The following SGCD variants were observed in gnomAD, a reference collection of about 807,000 sequenced individuals.
SGCD encodes sarcoglycan delta, also known as delta-sarcoglycan.
A neutral mutation model predicts 36.6 loss-of-function variants in SGCD; 18 were observed. The ratio of observed to expected loss-of-function variants is 0.49; its 90% CI spans 0.34 to 0.73. SGCD has a LOEUF of 0.73. Ranked by LOEUF, SGCD falls within the 30% of genes least tolerant of loss-of-function variation. SGCD has a pLI of 0.01. For missense variants in SGCD, 387 were observed against 346.7 expected, an observed-to-expected ratio of 1.12 and a Z score of -0.92; for synonymous variants, 133 against 130.6, an observed-to-expected ratio of 1.02 and a Z score of -0.12.
chr5:156,069,998 C>G (rs182141156), intron 1 of SGCD, among the ~76,000 whole-genome samples: 5 of 151,804 alleles, frequency 3.3e-5, no homozygotes, highest in Non-Finnish European at 7.4e-5. Context: ...GAGAGTTTAC[C>G]AAAGTTGCTT....
intron 6 of SGCD, among the ~76,000 whole-genome samples, chr5:156,623,415 C>T (rs1321541493): frequency 6.6e-6 from 1 of 152,146 alleles, no homozygotes; most frequent in African/African-American, 2.4e-5. Context: ...TAATTCAAAA[C>T]GAGATTTCAG....
At chr5:156,250,892 A>T (rs184463701) in intron 3 of SGCD, among the ~76,000 whole-genome samples, 5 of 152,192 alleles carry the variant, frequency 3.3e-5, no homozygotes, top group African/African-American at 1.2e-4. Flanking sequence ...GAGATAACCA[A>T]GTATCTTGTT....
chr5:156,553,834 A>C (rs1324227173), intron 4 of SGCD, among the ~76,000 whole-genome samples: 1 of 152,186 alleles, frequency 6.6e-6, no homozygotes, highest in Non-Finnish European at 1.5e-5. Context: ...TGGGTACACC[A>C]CATCTTGTCT....
chr5:155,766,693 T>C, the SGCD span, among the ~76,000 whole-genome samples: 7 of 152,154 alleles, frequency 4.6e-5, no homozygotes, highest in Admixed American at 4.6e-4. Context: ...AAGATGGCAA[T>C]TGAAGCATTG....
At chr5:156,494,878 G>A (rs1216963607) in intron 3 of SGCD, among the ~76,000 whole-genome samples, 4 of 152,062 alleles carry the variant, frequency 2.6e-5, no homozygotes, top group Admixed American at 6.6e-5. Flanking sequence ...TCCCAGGCCT[G>A]GCTTCCTCAC....
the SGCD span, among the ~76,000 whole-genome samples, chr5:155,737,723 C>T: frequency 6.6e-6 from 1 of 152,180 alleles, no homozygotes; most frequent in Non-Finnish European, 1.5e-5. Context: ...AGTGAGAGCA[C>T]CCTTGACCGT....
chr5:155,954,264 G>C (rs1757602016), intron 1 of SGCD, among the ~76,000 whole-genome samples: 1 of 152,100 alleles, frequency 6.6e-6, no homozygotes, highest in Non-Finnish European at 1.5e-5. Context: ...TTTCCCTATT[G>C]CTTCTTGAAC....
At chr5:156,489,773 G>A (rs1169444645) in intron 3 of SGCD, among the ~76,000 whole-genome samples, 1 of 151,840 alleles carries the variant, frequency 6.6e-6, no homozygotes, top group African/African-American at 2.4e-5. Context: ...AAAGAAAGTG[G>A]AAGGATTTCT....
chr5:156,426,599 G>A (rs1773681980), intron 3 of SGCD, among the ~76,000 whole-genome samples: 1 of 151,880 alleles, frequency 6.6e-6, no homozygotes, highest in Non-Finnish European at 1.5e-5. Flanking sequence ...GGTTTTTGTT[G>A]TATTTCTTTG....
chr5:156,239,259 G>A (rs1282892563), intron 3 of SGCD, among the ~76,000 whole-genome samples: 2 of 151,998 alleles, frequency 1.3e-5, no homozygotes, highest in Non-Finnish European at 2.9e-5. Context: ...AATTAGCTGG[G>A]TGTGGTGGCA....
At chr5:156,241,301 T>C (rs1765301565) in intron 3 of SGCD, among the ~76,000 whole-genome samples, 1 of 150,896 alleles carries the variant, frequency 6.6e-6, no homozygotes, top group Non-Finnish European at 1.5e-5. Context: ...TGTATGTGCA[T>C]AATCTTTAGT....
intron 3 of SGCD, among the ~76,000 whole-genome samples, chr5:156,505,931 G>A (rs1756675191): frequency 6.6e-6 from 1 of 151,774 alleles, no homozygotes; most frequent in African/African-American, 2.4e-5. Context: ...AAGAAAATTG[G>A]ACTTTAAAAA....
intron 7 of SGCD, among the ~76,000 whole-genome samples, chr5:156,693,879 A>C (rs1284421752): frequency 6.6e-6 from 1 of 152,196 alleles, no homozygotes; most frequent in Non-Finnish European, 1.5e-5. Flanking sequence ...ACATGGTAAG[A>C]ATCGGGGATC....
the SGCD span, among the ~76,000 whole-genome samples, chr5:155,776,785 A>G: frequency 3.3e-5 from 5 of 152,182 alleles, no homozygotes; most frequent in Non-Finnish European, 5.9e-5. Context: ...AGACAAAACT[A>G]ACAGATATTC....
In SGCD at chr5:156,132,670, G is replaced by A. The variant is rs552206952; in HGVS notation, c.-44+8651G>A. Among the ~76,000 whole-genome samples, 283 of 150,900 alleles carry A rather than the reference G, an allele frequency of 1.9e-3. 2 individuals are homozygous for A. Among genetic ancestry groups the A allele is most frequent in the Non-Finnish European group, 2.2e-3 (152 of 67,676 alleles). Reference sequence around the variant, plus strand: ...TTTTTAGTAGAGACGGGGTTTCACCGTGTTAGCCAGGATGGTCTCGATCTC... The same window carrying A: ...TTTTTAGTAGAGACGGGGTTTCACCATGTTAGCCAGGATGGTCTCGATCTC... On this transcript the variant is annotated intron_variant, in intron 3 of 9. Transcript: ENST00000517913.
At chr5:156,302,115 T>C (rs966760191) in intron 3 of SGCD, among the ~76,000 whole-genome samples, 1 of 152,172 alleles carries the variant, frequency 6.6e-6, no homozygotes, top group African/African-American at 2.4e-5. Context: ...TCTTCTTCTC[T>C]ATCTCCTCTG....
chr5:156,315,093 T>A (rs962438800), intron 3 of SGCD, among the ~76,000 whole-genome samples: 2 of 151,932 alleles, frequency 1.3e-5, no homozygotes, highest in African/African-American at 4.8e-5. Context: ...CTTAGCAAAT[T>A]CCAAGGACAG....
rs916364500 is a variant in SGCD at position 155,978,756 on chromosome 5, G to A, written c.-282+108332G>A. Among the ~76,000 whole-genome samples the A allele has an allele frequency of 3.3e-5, 5 of 151,546 alleles. No individual in the cohort carries two copies. In the South Asian group the frequency reaches 6.2e-4, roughly 19 times the overall value. ...ATATACTCATTTTTGTTATTTTTAC[G>A]AAAGTAACCTTCAGGAGCAGGGCCA... is the stretch of plus-strand genomic sequence containing the variant. On this transcript the variant is annotated intron_variant, in intron 1 of 9. Coordinates refer to the SGCD transcript ENST00000517913.
At chr5:156,102,398 T>A (rs965708368) in intron 1 of SGCD, among the ~76,000 whole-genome samples, 2 of 152,312 alleles carry the variant, frequency 1.3e-5, no homozygotes, top group African/African-American at 2.4e-5. Flanking sequence ...GAATGTGCAA[T>A]ATGTAGAAAG....
Sources: gnomAD v4.1 joint callset for allele counts (sites outside exome capture counted in the v4.1 genomes callset) on GRCh38, gnomAD v4.1.1 for gene constraint, MANE v1.5 for transcripts, NCBI Gene and HGNC (gene_info 2026-07-23, HGNC 2026-07-21) for gene names.